CUL2: variants seen among roughly 807,000 people sequenced by gnomAD.
CUL2 encodes cullin-2.
CUL2 carries 22 observed loss-of-function variants against 110.2 expected under a neutral mutation model. The observed-to-expected ratio is 0.20, with a 90% CI of 0.14 to 0.28. The LOEUF (loss-of-function observed/expected upper bound fraction) is 0.28, where lower values mean the gene tolerates loss of function less well. Among genes scored for constraint, CUL2 ranks in the 10% least tolerant of loss-of-function variants. The pLI is 1.00. For missense variants in CUL2, 631 were observed against 905.5 expected (o/e 0.70, Z 3.89); for synonymous variants, 279 against 293.2 (o/e 0.95, Z 0.49).
intron 4 of CUL2, among the ~76,000 whole-genome samples, chr10:35,057,202 G>C (rs927325904): frequency 2.0e-5 from 3 of 152,168 alleles, no homozygotes; most frequent in African/African-American, 7.2e-5. Context: ...TCTTGAGCCA[G>C]GTATTGATTT....
intron 16 of CUL2, 152 bp from the exon 17 acceptor site, chr10:35,025,350 G>C: frequency 8.5e-7 from 1 of 1,176,430 alleles, no homozygotes; most frequent in Non-Finnish European, 1.1e-6. Flanking sequence ...AGAGGAGAAA[G>C]CACGTTCCTG....
intron 1 of CUL2, among the ~76,000 whole-genome samples, chr10:35,108,316 G>C (rs566438531): frequency 1.7e-4 from 26 of 151,844 alleles, no homozygotes; most frequent in African/African-American, 6.0e-4. Flanking sequence ...AATTAGTGGG[G>C]TGTTGTGGTG....
At chr10:35,110,278 A>C (rs1384756205) in intron 1 of CUL2, among the ~76,000 whole-genome samples, 1 of 152,150 alleles carries the variant, frequency 6.6e-6, no homozygotes, top group Non-Finnish European at 1.5e-5. Context: ...AAGAATAGAA[A>C]TTTATCCAGG....
chr10:35,122,840 A>G (rs909443145), intron 1 of CUL2, among the ~76,000 whole-genome samples: 18 of 152,118 alleles, frequency 1.2e-4, no homozygotes, highest in African/African-American at 4.3e-4. Flanking sequence ...GTTTTGCCAT[A>G]TTAGCCAGGC....
chr10:35,013,344 C>CAAAAA (rs71523352), intron 19 of CUL2, among the ~76,000 whole-genome samples: 1 of 83,700 alleles, frequency 1.2e-5, no homozygotes, highest in African/African-American at 4.9e-5. Flanking sequence ...GACTCCGTCT[C>CAAAAA]AAAAAAAAAA....
At chr10:35,034,743 A>AT (rs1432058840) in intron 10 of CUL2, among the ~76,000 whole-genome samples, 1 of 152,202 alleles carries the variant, frequency 6.6e-6, no homozygotes, top group Non-Finnish European at 1.5e-5. Flanking sequence ...CTTACAGAAG[A>AT]TTATTTTAAT....
At chr10:35,101,187 G>A (rs2087372327) in intron 1 of CUL2, 1 of 152,154 alleles carries the variant, frequency 6.6e-6, no homozygotes, top group Non-Finnish European at 1.5e-5. Flanking sequence ...ATAGCCAGTT[G>A]GGCATTTAAT....
upstream of CUL2, among the ~76,000 whole-genome samples, chr10:35,094,463 G>A (rs2087266337): frequency 6.6e-6 from 1 of 152,180 alleles, no homozygotes; most frequent in Non-Finnish European, 1.5e-5. Context: ...TTGAACTCCT[G>A]ACCTCAGGTG....
intron 1 of CUL2, chr10:35,073,996 G>T (rs750047433): frequency 2.8e-6 from 2 of 703,166 alleles, no homozygotes; most frequent in African/African-American, 1.7e-5. Context: ...GTGGCATCAG[G>T]ATTCAGACCC....
At chr10:35,044,528 A>G in intron 8 of CUL2, 38 bp downstream of exon 8, 1 of 1,349,594 alleles carries the variant, frequency 7.4e-7, no homozygotes, top group Non-Finnish European at 1.0e-6. Context: ...GGCCAGATAC[A>G]AAATAGATAA....
intron 3 of CUL2, among the ~76,000 whole-genome samples, chr10:35,062,704 G>C (rs925930721): frequency 6.6e-6 from 1 of 151,846 alleles, no homozygotes; most frequent in Non-Finnish European, 1.5e-5. Context: ...AGGTGTGGTG[G>C]TGTGTGTCTG....
intron 3 of CUL2, 34 bp downstream of exon 3, chr10:35,062,926 A>G: frequency 8.5e-7 from 1 of 1,175,572 alleles, no homozygotes; most frequent in Non-Finnish European, 1.3e-6. Context: ...TACAACTATC[A>G]ACATATTTAT....
At chr10:35,020,193 A>G (rs1447525803) in intron 17 of CUL2, among the ~76,000 whole-genome samples, 1 of 152,210 alleles carries the variant, frequency 6.6e-6, no homozygotes, top group African/African-American at 2.4e-5. Context: ...AATCACAAAT[A>G]AGTAATCCAA....
In CUL2 at chr10:35,016,373, A is replaced by G; in HGVS notation, c.1706T>C (p.Leu569Ser). 6.2e-7 allele frequency: 1 copy of G among 1,609,122 alleles called. No individual in the cohort carries two copies. The highest frequency in any genetic ancestry group is 8.5e-7 in the Non-Finnish European group (1 of 1,176,758). The part of the protein sequence containing the change: ...LCTGEVKMNY[L>S]GKPYVAMVTT... The stretch of plus-strand genomic sequence containing the variant: ...AACCATGGCTACATATGGTTTGCCC[A>G]AATAGTTCATTTTAACTTCACCTAC... The change falls in exon 18 of 21, where the codon TTG becomes TCG. Residue 569 changes from leucine to serine, a missense_variant. Coordinates refer to ENST00000374749, the MANE Select transcript of CUL2 (RefSeq NM_003591.4).
intron 1 of CUL2, among the ~76,000 whole-genome samples, chr10:35,085,696 C>CAAAAAAAAAAAAAAAAAA (rs1263412257): frequency 1.8e-5 from 1 of 55,786 alleles, no homozygotes; most frequent in Non-Finnish European, 4.0e-5. Flanking sequence ...GACTCTGTCT[C>CAAAAAAAAAAAAAAAAAA]AAAAAAAAAA....
chr10:35,096,409 A>G (rs2087300812), intron 2 of CUL2, among the ~76,000 whole-genome samples: 1 of 151,898 alleles, frequency 6.6e-6, no homozygotes. Context: ...GTTCAAGACC[A>G]GCCTGGGCAA....
chr10:35,091,963 G>T (rs542453590), upstream of CUL2, among the ~76,000 whole-genome samples: 7 of 151,980 alleles, frequency 4.6e-5, no homozygotes, highest in African/African-American at 1.7e-4. Flanking sequence ...TTTTGTTTTT[G>T]ACACAGGGTC....
chr10:35,099,534 G>T (rs1195109297), intron 2 of CUL2: 1 of 152,078 alleles, frequency 6.6e-6, no homozygotes, highest in Non-Finnish European at 1.5e-5. Flanking sequence ...CGAGGCTGAG[G>T]CAGGTGGATC....
At chr10:35,012,877 A>G (rs2084939421) in intron 19 of CUL2, among the ~76,000 whole-genome samples, 1 of 152,062 alleles carries the variant, frequency 6.6e-6, no homozygotes. Flanking sequence ...AGCAACAATC[A>G]CTGCTGAGTT....
Sources: allele counts gnomAD v4.1 joint callset (sites outside exome capture counted in the v4.1 genomes callset), GRCh38; gene constraint gnomAD v4.1.1; transcripts MANE v1.5; gene names NCBI Gene and HGNC (gene_info 2026-07-23, HGNC 2026-07-21).